Variants in CARMIL1 observed in about 807,000 individuals in gnomAD.
CARMIL1 encodes the protein F-actin-uncapping protein LRRC16A.
In CARMIL1, 90 loss-of-function variants were observed where a neutral mutation model predicts 177.1. That is an observed-to-expected ratio of 0.51 (90% CI 0.43 to 0.61). CARMIL1 has a LOEUF of 0.61. CARMIL1 is among the 20% of genes least tolerant of loss of function. CARMIL1 has a pLI of 0.00. For missense variants in CARMIL1, 1,380 were observed against 1,667.0 expected, an observed-to-expected ratio of 0.83 and a Z score of 3.00; for synonymous variants, 577 against 606.2, an observed-to-expected ratio of 0.95 and a Z score of 0.71.
intron 20 of CARMIL1, among the ~76,000 whole-genome samples, chr6:25,513,741 C>T (rs301391): frequency 0.44 from 66,332 of 151,930 alleles, 14,878 homozygotes; most frequent in Middle Eastern, 0.52. Context: ...ACCACCCAGG[C>T]ACACCTTGAG....
At chr6:25,287,209 G>A (rs1479299091) in intron 2 of CARMIL1, among the ~76,000 whole-genome samples, 1 of 152,186 alleles carries the variant, frequency 6.6e-6, no homozygotes, top group Non-Finnish European at 1.5e-5. Flanking sequence ...TAAATGAGTT[G>A]GCTGAATATC....
intron 2 of CARMIL1, among the ~76,000 whole-genome samples, chr6:25,395,242 A>G (rs575265247): frequency 6.6e-6 from 1 of 152,206 alleles, no homozygotes; most frequent in African/African-American, 2.4e-5. Context: ...GTGCAAGGAG[A>G]AACATCCTGG....
rs576869006 is a variant in CARMIL1 at position 25,592,228 on chromosome 6, A to T, written c.3007-2187A>T. On this transcript the variant is annotated intron_variant, in intron 31 of 36. Coordinates refer to ENST00000329474, the MANE Select transcript of CARMIL1 (RefSeq NM_017640.6). ...GATCTGTGACTAACCAAAAAGTAGGATAGTACTATCTCTTTCAGTTTAAAG... is the reference window on the plus strand; with the variant it reads ...GATCTGTGACTAACCAAAAAGTAGGTTAGTACTATCTCTTTCAGTTTAAAG... 9.8e-5 allele frequency among the ~76,000 whole-genome samples: 15 copies of T among 152,306 alleles called. No individual in the cohort carries two copies. In the East Asian group the frequency reaches 2.9e-3, roughly 29 times the overall value.
At chr6:25,403,426 G>T (rs1391322979) in intron 2 of CARMIL1, among the ~76,000 whole-genome samples, 1 of 152,134 alleles carries the variant, frequency 6.6e-6, no homozygotes, top group African/African-American at 2.4e-5. Context: ...ATGGCAGTCA[G>T]AGATTGGCCT....
At chr6:25,459,263 T>G (rs915571873) in intron 8 of CARMIL1, among the ~76,000 whole-genome samples, 2 of 123,602 alleles carry the variant, frequency 1.6e-5, no homozygotes, top group East Asian at 2.6e-4. Context: ...TCTTTCTTTC[T>G]TTCTTTTTTT....
At chr6:25,495,034 T>G in intron 15 of CARMIL1, 77 bp from the exon 16 acceptor site, 1 of 791,186 alleles carries the variant, frequency 1.3e-6, no homozygotes, top group South Asian at 1.7e-5. Context: ...GATTTGTAGA[T>G]TTCACAGTGT....
In CARMIL1 at chr6:25,515,109, T is replaced by G. The variant is rs1805843163; in HGVS notation, c.1633-566T>G. 6.6e-6 allele frequency among the ~76,000 whole-genome samples: 1 copy of G among 152,188 alleles called. No homozygotes were observed. Among genetic ancestry groups the G allele is most frequent in the African/African-American group, 2.4e-5 (1 of 41,460 alleles). On this transcript the variant is annotated intron_variant, in intron 20 of 36. Coordinates refer to ENST00000329474, the MANE Select transcript of CARMIL1 (RefSeq NM_017640.6). This position sits in a 1 kb window ranked among gnomAD's most constrained non-coding sequence, Gnocchi z 5.0. ...GGTTGAGTCACCTAACTTTTCTGTT[T>G]GTTGGTTTGGGAAATGGGGATAACA...
intron 2 of CARMIL1, among the ~76,000 whole-genome samples, chr6:25,289,911 A>G (rs73392397): frequency 6.6e-6 from 1 of 152,186 alleles, no homozygotes; most frequent in South Asian, 2.1e-4. Context: ...TTGAGTGAAC[A>G]TACTTTTCCT....
intron 1 of CARMIL1, among the ~76,000 whole-genome samples, chr6:25,282,940 G>T (rs1033986651): frequency 3.9e-5 from 6 of 152,158 alleles, no homozygotes; most frequent in African/African-American, 1.4e-4. Context: ...ACATACAAGA[G>T]GTACTCCTAT....
chr6:25,539,988 G>A lies in CARMIL1; in HGVS notation c.2238G>A (p.Ala746=), dbSNP rs549004973. 4.4e-6 allele frequency: 7 copies of A among 1,604,502 alleles called. No homozygotes were observed. The South Asian group carries it at 5.6e-5, about 13-fold the overall frequency. ...NLYHVGGASW[A]GASGLLSSPI... ...ACCATGTTGGTGGTGCATCTTGGGC[G>A]GGAGCCAGTGGCTTACTATCCAGTC... Residue 746 remains alanine, a synonymous_variant, in exon 26 of 37, where the codon GCG becomes GCA. Transcript: ENST00000329474.
intron 2 of CARMIL1, among the ~76,000 whole-genome samples, chr6:25,345,489 C>T (rs1479242580): frequency 6.6e-6 from 1 of 152,148 alleles, no homozygotes; most frequent in Non-Finnish European, 1.5e-5. Context: ...TCCTGGGATG[C>T]GTCTAACAGG....
chr6:25,598,732 G>A (rs375859336), intron 32 of CARMIL1, among the ~76,000 whole-genome samples: 41 of 151,904 alleles, frequency 2.7e-4, no homozygotes, highest in African/African-American at 8.0e-4. Flanking sequence ...TTTCTCTTCC[G>A]TGTTGAAAAG....
chr6:25,616,397 T>C (rs1320399043), intron 36 of CARMIL1, among the ~76,000 whole-genome samples: 1 of 152,018 alleles, frequency 6.6e-6, no homozygotes, highest in Non-Finnish European at 1.5e-5. Flanking sequence ...TGAGACTCTG[T>C]CTATAGAAAA....
At chr6:25,377,153 T>C (rs937463515) in intron 2 of CARMIL1, among the ~76,000 whole-genome samples, 3 of 152,202 alleles carry the variant, frequency 2.0e-5, no homozygotes, top group Non-Finnish European at 4.4e-5. Flanking sequence ...GGTGCATCCA[T>C]GCTGAGCTCC....
At chr6:25,392,823 A>G (rs905431770) in intron 2 of CARMIL1, among the ~76,000 whole-genome samples, 3 of 152,216 alleles carry the variant, frequency 2.0e-5, no homozygotes, top group African/African-American at 7.2e-5. Context: ...ATTTTAATAA[A>G]ATTTAATTAA....
At chr6:25,486,637 C>A (rs1802684346) in intron 12 of CARMIL1, among the ~76,000 whole-genome samples, 1 of 152,132 alleles carries the variant, frequency 6.6e-6, no homozygotes, top group Non-Finnish European at 1.5e-5. Context: ...CAGAAAATAA[C>A]CTTTTTTTAT....
chr6:25,369,968 T>C (rs1790242050), intron 2 of CARMIL1: 1 of 152,472 alleles, frequency 6.6e-6, no homozygotes, highest in African/African-American at 2.4e-5. Context: ...CTTTTCCTAA[T>C]GACGGTGCTT....
chr6:25,404,680 C>T (rs945706606), intron 2 of CARMIL1, among the ~76,000 whole-genome samples: 2 of 151,594 alleles, frequency 1.3e-5, no homozygotes, highest in African/African-American at 4.8e-5. Flanking sequence ...CGCTTGAACC[C>T]GGGAGGCAGA....
At chr6:25,431,667 A>G (rs1298775414) in intron 4 of CARMIL1, among the ~76,000 whole-genome samples, 1 of 152,172 alleles carries the variant, frequency 6.6e-6, no homozygotes, top group Non-Finnish European at 1.5e-5. Flanking sequence ...TCACTGTGCT[A>G]TTTAATTATG....
Sources: gnomAD v4.1 joint callset for allele counts (sites outside exome capture counted in the v4.1 genomes callset) on GRCh38, gnomAD v4.1.1 for gene constraint, Gnocchi (gnomAD v3.1) non-coding constraint, MANE v1.5 for transcripts, NCBI Gene and HGNC (gene_info 2026-07-23, HGNC 2026-07-21) for gene names.